TSPAN11: variants seen among roughly 807,000 people sequenced by gnomAD.
The protein encoded by TSPAN11 is tetraspanin 11.
In TSPAN11, 29 loss-of-function variants were observed where a neutral mutation model predicts 32.9. The observed-to-expected ratio is 0.88, with a 90% CI of 0.66 to 1.20. TSPAN11 has a LOEUF of 1.20. Among genes scored for constraint, TSPAN11 ranks in the 50% most tolerant of loss-of-function variants. The pLI, the probability that TSPAN11 is intolerant of heterozygous loss-of-function variation, is 0.00. For synonymous variants in TSPAN11, 140 were observed against 141.3 expected (o/e 0.99, Z 0.07); for missense variants, 283 against 329.1 (o/e 0.86, Z 1.08).
intron 2 of TSPAN11, among the ~76,000 whole-genome samples, chr12:30,957,479 A>G (rs575894511): frequency 1.2e-3 from 177 of 152,244 alleles, no homozygotes; most frequent in Admixed American, 2.1e-3. Context: ...CAGCAGCCCA[A>G]TTGGTTAAAT....
chr12:30,959,902 G>GTATCTATTAAAAACACAGAGTAGAGGA (rs1565795041), intron 2 of TSPAN11, among the ~76,000 whole-genome samples: 1 of 151,744 alleles, frequency 6.6e-6, no homozygotes, highest in African/African-American at 2.4e-5. Context: ...TTTTGGGCTT[G>GTATCTATTAAAAACACAGAGTAGAGGA]GTGCCTGGGG....
chr12:30,997,536 G>A (rs1343899827), downstream of TSPAN11: 1 of 152,178 alleles, frequency 6.6e-6, no homozygotes, highest in Admixed American at 6.5e-5. Context: ...GAGAGTGAGG[G>A]GATAGGTGCC....
chr12:30,939,310 G>A (rs1335790910), intron 1 of TSPAN11, among the ~76,000 whole-genome samples: 2 of 151,864 alleles, frequency 1.3e-5, no homozygotes, highest in Non-Finnish European at 2.9e-5. Context: ...AGAAAACTGG[G>A]CCAGTTGAGG....
chr12:31,015,631 C>G, the TSPAN11 span: 1 of 152,250 alleles, frequency 6.6e-6, no homozygotes, highest in Admixed American at 6.5e-5. This position sits in a 1 kb window ranked among gnomAD's most constrained non-coding sequence, Gnocchi z 4.9. Flanking sequence ...CACGCAGGAG[C>G]CTCAGTGAAT....
At chr12:30,940,416 G>A (rs1179832795) in intron 1 of TSPAN11, among the ~76,000 whole-genome samples, 1 of 152,180 alleles carries the variant, frequency 6.6e-6, no homozygotes. Context: ...TATAGCTAAG[G>A]GGCATGCCTC....
intron 3 of TSPAN11, among the ~76,000 whole-genome samples, chr12:30,974,486 T>A (rs1938919385): frequency 6.6e-6 from 1 of 152,202 alleles, no homozygotes; most frequent in East Asian, 1.9e-4. Flanking sequence ...TATGCTACTC[T>A]CAGATCAGAA....
intron 4 of TSPAN11, 144 bp from the exon 5 acceptor site, chr12:30,979,422 T>TAA (rs143319268): frequency 1.4e-6 from 1 of 729,620 alleles, no homozygotes; most frequent in Non-Finnish European, 2.4e-6. Flanking sequence ...GATGGTCCCT[T>TAA]ACGCTGTTGA....
In TSPAN11 at chr12:30,979,515, C is replaced by A. The variant is rs772557740; in HGVS notation, c.352-51C>A. 3 of 1,562,704 alleles carry A rather than the reference C, an allele frequency of 1.9e-6. No individual in the cohort carries two copies. In the South Asian group the frequency reaches 3.4e-5, roughly 17 times the overall value. On this transcript the variant is annotated intron_variant, in intron 4 of 7. Transcript: ENST00000546076. ...GTTGGAAGTGGGCCCGGTGCCAGGG[C>A]AGGGGTGGGGCTGGTCCCGCTGATG... is the stretch of plus-strand genomic sequence containing the variant.
At chr12:30,977,217 G>A (rs552087961) in intron 3 of TSPAN11, among the ~76,000 whole-genome samples, 15 of 152,340 alleles carry the variant, frequency 9.8e-5, no homozygotes, top group Admixed American at 7.2e-4. Context: ...TGCAGGAGAT[G>A]GTTGGGCAAG....
chr12:31,005,368 C>T, the TSPAN11 span, among the ~76,000 whole-genome samples: 83 of 152,218 alleles, frequency 5.5e-4, no homozygotes, highest in Non-Finnish European at 8.7e-4. Context: ...TGGCCACGGA[C>T]AGCAGCAGCC....
chr12:30,964,381 T>C (rs1402954426), intron 3 of TSPAN11, among the ~76,000 whole-genome samples: 3 of 140,802 alleles, frequency 2.1e-5, no homozygotes, highest in Non-Finnish European at 4.4e-5. Flanking sequence ...TCCCGTTTCC[T>C]TCTTATTCTC....
chr12:30,940,121 A>T (rs1339558278), intron 1 of TSPAN11, among the ~76,000 whole-genome samples: 1 of 152,206 alleles, frequency 6.6e-6, no homozygotes, highest in Non-Finnish European at 1.5e-5. Flanking sequence ...TCTACACAGA[A>T]ATGCATCCTG....
chr12:30,981,955 T>C (rs1490078937), intron 5 of TSPAN11, among the ~76,000 whole-genome samples: 3 of 152,232 alleles, frequency 2.0e-5, no homozygotes, highest in Non-Finnish European at 4.4e-5. Flanking sequence ...ATTTTATATC[T>C]GGGCTGGTGC....
chr12:30,976,855 G>A (rs925512507), intron 3 of TSPAN11, among the ~76,000 whole-genome samples: 7 of 152,152 alleles, frequency 4.6e-5, no homozygotes, highest in Non-Finnish European at 5.9e-5. Flanking sequence ...CTCCCATCCC[G>A]CAAGGGGCAT....
chr12:30,988,117 C>G (rs1335379975), intron 7 of TSPAN11, among the ~76,000 whole-genome samples: 5 of 152,116 alleles, frequency 3.3e-5, no homozygotes, highest in Non-Finnish European at 7.4e-5. Flanking sequence ...TCAGCAGGGG[C>G]CCCCCAGGCT....
At chr12:30,928,985 G>A (rs1228581808) in intron 1 of TSPAN11, among the ~76,000 whole-genome samples, 1 of 152,208 alleles carries the variant, frequency 6.6e-6, no homozygotes, top group Non-Finnish European at 1.5e-5. Context: ...GTGAATGAGT[G>A]AGTGAGTGAA....
At chr12:30,953,153 G>A (rs570272370) in intron 1 of TSPAN11, among the ~76,000 whole-genome samples, 2 of 152,282 alleles carry the variant, frequency 1.3e-5, no homozygotes, top group East Asian at 1.9e-4. Flanking sequence ...TAGAGTCTTA[G>A]GCTCTAGCCC....
chr12:31,004,681 T>C, the TSPAN11 span, among the ~76,000 whole-genome samples: 1 of 151,980 alleles, frequency 6.6e-6, no homozygotes, highest in Non-Finnish European at 1.5e-5. Context: ...GGAATGTCTG[T>C]GAAAGGAACT....
chr12:30,970,752 G>T (rs1306452131), intron 3 of TSPAN11, among the ~76,000 whole-genome samples: 2 of 152,164 alleles, frequency 1.3e-5, no homozygotes, highest in Non-Finnish European at 2.9e-5. Context: ...CCCTGGGCTG[G>T]GGCCAGGAGG....
Sources: gnomAD v4.1 joint callset for allele counts (sites outside exome capture counted in the v4.1 genomes callset) on GRCh38, gnomAD v4.1.1 for gene constraint, Gnocchi (gnomAD v3.1) non-coding constraint, MANE v1.5 for transcripts, NCBI Gene and HGNC (gene_info 2026-07-23, HGNC 2026-07-21) for gene names.